KCNK2: variants seen among roughly 807,000 people sequenced by gnomAD.
KCNK2 encodes potassium two pore domain channel subfamily K member 2, also known as potassium channel subfamily K member 2.
In KCNK2, 21 loss-of-function variants were observed where a neutral mutation model predicts 40.5. The observed-to-expected ratio is 0.52, with a 90% CI of 0.37 to 0.75. The LOEUF (loss-of-function observed/expected upper bound fraction) is 0.75, where lower values mean the gene tolerates loss of function less well. KCNK2 is among the 30% of genes least tolerant of loss of function. The pLI is 0.00. For missense variants in KCNK2, 399 were observed against 531.6 expected, an observed-to-expected ratio of 0.75 and a Z score of 2.45; for synonymous variants, 191 against 202.2, an observed-to-expected ratio of 0.94 and a Z score of 0.47.
intron 2 of KCNK2, 31 bp from the exon 3 acceptor site, chr1:215,124,602 T>G: frequency 8.0e-7 from 1 of 1,247,518 alleles, no homozygotes; most frequent in South Asian, 1.2e-5. Flanking sequence ...GTGATTCATG[T>G]GTACTGATAA....
intron 1 of KCNK2, among the ~76,000 whole-genome samples, chr1:215,066,653 C>T (rs1319891721): frequency 6.6e-6 from 1 of 152,102 alleles, no homozygotes; most frequent in Non-Finnish European, 1.5e-5. Flanking sequence ...TTTTTTGCTT[C>T]CATGCAATAG....
At chr1:215,035,488 T>C (rs1657352443) in intron 1 of KCNK2, among the ~76,000 whole-genome samples, 1 of 152,098 alleles carries the variant, frequency 6.6e-6, no homozygotes, top group African/African-American at 2.4e-5. Context: ...GCCCTTTTCA[T>C]AATGTCATAT....
At chr1:215,230,517 ATATATATATATATATG>A (rs1472825975) in intron 6 of KCNK2, among the ~76,000 whole-genome samples, 26 of 71,468 alleles carry the variant, frequency 3.6e-4, no homozygotes, top group Non-Finnish European at 5.4e-4. Context: ...GTATATATAT[ATATATATATATATATG>A]TATATATATA....
At chr1:215,194,455 G>C (rs1395082537) in intron 5 of KCNK2, among the ~76,000 whole-genome samples, 1 of 152,074 alleles carries the variant, frequency 6.6e-6, no homozygotes, top group Non-Finnish European at 1.5e-5. Flanking sequence ...TCATTGTATT[G>C]ATGACTTTAA....
intron 2 of KCNK2, among the ~76,000 whole-genome samples, chr1:215,122,737 A>C (rs2102578361): frequency 6.6e-6 from 1 of 150,508 alleles, no homozygotes; most frequent in East Asian, 1.9e-4. Flanking sequence ...AAACATTCAT[A>C]ATCTTTTTTT....
At chr1:215,153,564 T>TTATA (rs67611651) in intron 3 of KCNK2, among the ~76,000 whole-genome samples, 26 of 146,156 alleles carry the variant, frequency 1.8e-4, no homozygotes, top group Non-Finnish European at 3.2e-4. Context: ...TATAGCGTTG[T>TTATA]TATATATATA....
chr1:215,103,971 A>C (rs1465709500), intron 2 of KCNK2, among the ~76,000 whole-genome samples: 1 of 152,072 alleles, frequency 6.6e-6, no homozygotes, highest in Non-Finnish European at 1.5e-5. Context: ...AGCTAATCTT[A>C]TATATAGGCC....
chr1:215,215,616 CAT>C (rs1654344650), intron 6 of KCNK2, among the ~76,000 whole-genome samples: 1 of 152,062 alleles, frequency 6.6e-6, no homozygotes, highest in Non-Finnish European at 1.5e-5. Flanking sequence ...AAAGGGTGGC[CAT>C]GTGTGTGTCT....
chr1:215,126,191 G>A (rs1661429746), intron 3 of KCNK2, among the ~76,000 whole-genome samples: 1 of 152,076 alleles, frequency 6.6e-6, no homozygotes, highest in Non-Finnish European at 1.5e-5. Context: ...TCCTTTTACA[G>A]GTATTTGTAC....
At chr1:215,011,437 G>A (rs1218479975) in intron 1 of KCNK2, among the ~76,000 whole-genome samples, 2 of 151,830 alleles carry the variant, frequency 1.3e-5, no homozygotes, top group African/African-American at 4.8e-5. Flanking sequence ...GGGACTACAG[G>A]CACACGCCAC....
intron 6 of KCNK2, among the ~76,000 whole-genome samples, 154 bp from the exon 7 acceptor site, chr1:215,234,670 CCCTG>C (rs1553276970): frequency 2.0e-5 from 3 of 152,136 alleles, no homozygotes; most frequent in Non-Finnish European, 4.4e-5. Context: ...GCTGTGTATA[CCCTG>C]CCTAATTTCA....
chr1:215,094,511 C>T (rs780001697), intron 2 of KCNK2, among the ~76,000 whole-genome samples: 11 of 152,066 alleles, frequency 7.2e-5, no homozygotes, highest in Middle Eastern at 3.2e-3. Flanking sequence ...AAAACCATGT[C>T]AATTTCCAAT....
At chr1:215,184,521 G>A (rs1363579458) in intron 5 of KCNK2, among the ~76,000 whole-genome samples, 2 of 152,154 alleles carry the variant, frequency 1.3e-5, no homozygotes, top group African/African-American at 4.8e-5. Flanking sequence ...AAAGGAAAGA[G>A]GTTTAATAGA....
intron 3 of KCNK2, among the ~76,000 whole-genome samples, chr1:215,139,315 C>T (rs1180978616): frequency 6.6e-6 from 1 of 152,100 alleles, no homozygotes; most frequent in East Asian, 1.9e-4. Flanking sequence ...AAGTGAAGCT[C>T]ACTATATCTT....
chr1:215,218,163 G>A (rs1441959807), intron 6 of KCNK2, among the ~76,000 whole-genome samples: 1 of 152,130 alleles, frequency 6.6e-6, no homozygotes, highest in African/African-American at 2.4e-5. Context: ...AGGATAATAG[G>A]GGAAATAGAG....
At chr1:215,214,857 CA>C (rs974000737) in intron 6 of KCNK2, among the ~76,000 whole-genome samples, 6 of 149,752 alleles carry the variant, frequency 4.0e-5, no homozygotes, top group Admixed American at 1.3e-4. Context: ...AACCAAAAAC[CA>C]AAAAAAAATC....
intron 1 of KCNK2, among the ~76,000 whole-genome samples, chr1:215,035,084 T>C (rs1042530937): frequency 2.0e-5 from 3 of 152,100 alleles, no homozygotes; most frequent in African/African-American, 7.2e-5. Context: ...GAGAAACAAA[T>C]TTACCAACTC....
At chr1:215,097,125 AC>A (rs1192095331) in intron 2 of KCNK2, among the ~76,000 whole-genome samples, 19 of 151,976 alleles carry the variant, frequency 1.3e-4, no homozygotes, top group Non-Finnish European at 2.4e-4. Context: ...ACCTGCAGGT[AC>A]TAAGAATAGT....
upstream of KCNK2, among the ~76,000 whole-genome samples, chr1:215,078,237 G>T (rs1659021021): frequency 6.6e-6 from 1 of 152,190 alleles, no homozygotes; most frequent in African/African-American, 2.4e-5. Flanking sequence ...GGACAAGATT[G>T]TATTATAGAG....
Sources: gnomAD v4.1 joint callset for allele counts (sites outside exome capture counted in the v4.1 genomes callset) on GRCh38, gnomAD v4.1.1 for gene constraint, MANE v1.5 for transcripts, NCBI Gene and HGNC (gene_info 2026-07-23, HGNC 2026-07-21) for gene names.